Variants in LGSN observed in about 807,000 individuals in gnomAD.
LGSN encodes the protein lengsin.
A neutral mutation model predicts 19.5 loss-of-function variants in LGSN; 21 were observed. The observed-to-expected ratio is 1.07, with a 90% CI of 0.76 to 1.55. LGSN has a LOEUF of 1.55. Among genes scored for constraint, LGSN ranks in the 40% most tolerant of loss-of-function variants. The pLI, the probability that LGSN is intolerant of heterozygous loss-of-function variation, is 0.00. For missense variants in LGSN, 673 were observed against 608.5 expected (o/e 1.11, Z -1.12); for synonymous variants, 257 against 215.6 (o/e 1.19, Z -1.68).
the LGSN span, among the ~76,000 whole-genome samples, chr6:63,529,158 T>G: frequency 9.8e-6 from 1 of 101,838 alleles, no homozygotes; most frequent in African/African-American, 5.1e-5. Flanking sequence ...TGTATATATA[T>G]GTGTGTATAT....
chr6:63,454,470 CTTTTTTTTT>C, the LGSN span, among the ~76,000 whole-genome samples: 720 of 118,674 alleles, frequency 6.1e-3, 8 homozygotes, highest in African/African-American at 0.021. Flanking sequence ...TTTACATTTT[CTTTTTTTTT>C]TTTTTTTTTT....
chr6:63,374,940 GAAA>G, the LGSN span, among the ~76,000 whole-genome samples: 3 of 148,384 alleles, frequency 2.0e-5, no homozygotes, highest in Non-Finnish European at 4.5e-5. Context: ...CTGGAAAAGA[GAAA>G]AAAAAAAGTT....
At chr6:63,285,819 G>A in intron 2 of LGSN, 66 bp from the exon 3 acceptor site, 2 of 1,236,606 alleles carry the variant, frequency 1.6e-6, no homozygotes, top group South Asian at 1.3e-5. Context: ...AAAGGAGACT[G>A]GAGACTAGTG....
the LGSN span, among the ~76,000 whole-genome samples, chr6:63,364,192 T>C: frequency 6.6e-6 from 1 of 151,942 alleles, no homozygotes; most frequent in African/African-American, 2.4e-5. Context: ...CCATCTCACA[T>C]GCAGAGACAC....
chr6:63,432,135 AAG>A, the LGSN span, among the ~76,000 whole-genome samples: 3 of 124,764 alleles, frequency 2.4e-5, no homozygotes, highest in African/African-American at 6.5e-5. Context: ...GAAAGAAAGA[AAG>A]AAAGAAAGAA....
At chr6:63,459,469 G>A in the LGSN span, among the ~76,000 whole-genome samples, 1 of 151,856 alleles carries the variant, frequency 6.6e-6, no homozygotes, top group African/African-American at 2.4e-5. Context: ...TGACTAAGTT[G>A]GTCTTGAACT....
the LGSN span, among the ~76,000 whole-genome samples, chr6:63,533,320 T>A: frequency 6.6e-6 from 1 of 152,140 alleles, no homozygotes; most frequent in African/African-American, 2.4e-5. Flanking sequence ...AGGCAGAGGT[T>A]ACAGTGAGCC....
At chr6:63,511,598 T>C in the LGSN span, among the ~76,000 whole-genome samples, 2 of 152,196 alleles carry the variant, frequency 1.3e-5, no homozygotes, top group South Asian at 4.1e-4. Flanking sequence ...TTTGAAATCA[T>C]TACCTGGGCA....
At chr6:63,501,686 A>AC in the LGSN span, among the ~76,000 whole-genome samples, 1 of 152,156 alleles carries the variant, frequency 6.6e-6, no homozygotes, top group Non-Finnish European at 1.5e-5. Flanking sequence ...TAGTGACATG[A>AC]CCATATTTTT....
At chr6:63,557,373 C>T in the LGSN span, among the ~76,000 whole-genome samples, 1 of 152,092 alleles carries the variant, frequency 6.6e-6, no homozygotes, top group Non-Finnish European at 1.5e-5. Flanking sequence ...TGAGACCAGC[C>T]TGGCCAACAT....
chr6:63,441,657 G>A, the LGSN span: 2 of 479,528 alleles, frequency 4.2e-6, no homozygotes, highest in Non-Finnish European at 8.1e-6. Flanking sequence ...GAGAAAGAGT[G>A]CCAGAGAAAG....
chr6:63,422,525 T>TA, the LGSN span, among the ~76,000 whole-genome samples: 1 of 152,248 alleles, frequency 6.6e-6, no homozygotes, highest in Non-Finnish European at 1.5e-5. Flanking sequence ...ATAAATTATC[T>TA]AAAAAATAAA....
the LGSN span, among the ~76,000 whole-genome samples, chr6:63,487,321 G>T: frequency 6.6e-6 from 1 of 152,128 alleles, no homozygotes; most frequent in East Asian, 1.9e-4. Flanking sequence ...CACAGAAAGA[G>T]ATATTATCTT....
the LGSN span, among the ~76,000 whole-genome samples, chr6:63,337,483 T>A: frequency 1.4e-5 from 2 of 146,814 alleles, no homozygotes; most frequent in Non-Finnish European, 3.0e-5. Context: ...GTCTCAATTT[T>A]AAAAATAAAT....
the LGSN span, among the ~76,000 whole-genome samples, chr6:63,525,677 T>C: frequency 2.0e-5 from 3 of 152,180 alleles, no homozygotes; most frequent in Non-Finnish European, 2.9e-5. Context: ...AGCTTGTAGT[T>C]TCCAACAACC....
chr6:63,497,184 A>G, the LGSN span, among the ~76,000 whole-genome samples: 21 of 152,058 alleles, frequency 1.4e-4, no homozygotes, highest in South Asian at 1.7e-3. Context: ...GTTATGTTGC[A>G]CAGAATGGTC....
At chr6:63,384,198 C>T in the LGSN span, among the ~76,000 whole-genome samples, 2 of 152,174 alleles carry the variant, frequency 1.3e-5, no homozygotes, top group Non-Finnish European at 2.9e-5. Flanking sequence ...CATTTGATGT[C>T]TACCTCTCTT....
At chr6:63,457,959 G>A in the LGSN span, among the ~76,000 whole-genome samples, 1 of 151,892 alleles carries the variant, frequency 6.6e-6, no homozygotes, top group African/African-American at 2.4e-5. Flanking sequence ...CATCTACAAG[G>A]CACTAGGTTG....
chr6:63,327,254 C>T, the LGSN span, among the ~76,000 whole-genome samples: 1 of 152,024 alleles, frequency 6.6e-6, no homozygotes, highest in Non-Finnish European at 1.5e-5. Context: ...TTGATGGCCT[C>T]GATTCTAGAG....
Sources: gnomAD v4.1 joint callset for allele counts (sites outside exome capture counted in the v4.1 genomes callset) on GRCh38, gnomAD v4.1.1 for gene constraint, MANE v1.5 for transcripts, NCBI Gene and HGNC (gene_info 2026-07-23, HGNC 2026-07-21) for gene names.